B3GAT3: variants seen among roughly 807,000 people sequenced by gnomAD.
The protein encoded by B3GAT3 is beta-1,3-glucuronyltransferase 3, also known as galactosylgalactosylxylosylprotein 3-beta-glucuronosyltransferase 3.
A neutral mutation model predicts 33.1 loss-of-function variants in B3GAT3; 19 were observed. The ratio of observed to expected loss-of-function variants is 0.57; its 90% CI spans 0.40 to 0.84. B3GAT3 has a LOEUF of 0.84. Among genes scored for constraint, B3GAT3 ranks in the 40% least tolerant of loss-of-function variants. The pLI is 0.00. For missense variants in B3GAT3, 344 were observed against 441.5 expected, an observed-to-expected ratio of 0.78 and a Z score of 1.98; for synonymous variants, 167 against 193.5, an observed-to-expected ratio of 0.86 and a Z score of 1.14.
At position 62,619,724 on chromosome 11, in the gene B3GAT3, T is replaced by TTTTTTTTTTG. The variant is rs1554969086; in HGVS notation, c.257+772_257+773insCAAAAAAAAA. 3.8e-4 allele frequency among the ~76,000 whole-genome samples: 52 copies of TTTTTTTTTTG among 137,206 alleles called. 2 individuals are homozygous for TTTTTTTTTTG. The highest frequency in any genetic ancestry group is 1.3e-3 in the African/African-American group (49 of 36,364). The allele number at this position is 137,206 out of a possible 152,430, so 90.0% of individuals were successfully genotyped here. On this transcript the variant is annotated intron_variant, in intron 2 of 4. Coordinates refer to ENST00000265471, the MANE Select transcript of B3GAT3 (RefSeq NM_012200.4). ...CTTTTTTTTTTTTTTTTTTTTTTTT[T>TTTTTTTTTTG]CAGAGACAAGAGTTTCACCATGTTG...
At chr11:62,618,177 CAA>C (rs150492409) in intron 2 of B3GAT3, among the ~76,000 whole-genome samples, 146 of 46,244 alleles carry the variant, frequency 3.2e-3, no homozygotes, top group African/African-American at 0.014. Context: ...AACTCTGTCT[CAA>C]AAAAAAAAAA....
In B3GAT3 at chr11:62,616,556, G is replaced by A. The variant is rs1943031430; in HGVS notation, c.859C>T (p.His287Tyr). The A allele has an allele frequency of 6.2e-7, 1 of 1,614,242 alleles. No individual in the cohort carries two copies. Among genetic ancestry groups the A allele is most frequent in the Non-Finnish European group, 8.5e-7 (1 of 1,180,054 alleles). Residue 287 changes from histidine (H) to tyrosine (Y), a missense_variant, in exon 4 of 5, where the codon CAC becomes TAC. His to Tyr is a moderately conservative substitution (Grantham distance 83, BLOSUM62 2). Coordinates refer to ENST00000265471, the MANE Select transcript of B3GAT3 (RefSeq NM_012200.4). The stretch of plus-strand genomic sequence containing the variant: ...TCCAGGTCCTTGGGATCCACAAGGT[G>A]GCTCAGAAGACTGCTCTCCAGGTGG... Reference protein sequence around the residue: ...RGHLESSLLSHLVDPKDLEPR... With the variant: ...RGHLESSLLSYLVDPKDLEPR...
intron 4 of B3GAT3, chr11:62,616,205 C>T (rs1943021277): frequency 1.8e-6 from 1 of 545,084 alleles, no homozygotes; most frequent in South Asian, 2.0e-5. Flanking sequence ...GATTGCGCTA[C>T]TGCACTCCAG....
chr11:62,615,982 G>A (rs554454930), intron 4 of B3GAT3, 183 bp from the exon 5 acceptor site: 23 of 1,462,052 alleles, frequency 1.6e-5, no homozygotes, highest in South Asian at 5.5e-5. Context: ...CGTGGCTCAC[G>A]CCTGTAACCC....
At chr11:62,619,117 C>T (rs1943092238) in intron 2 of B3GAT3, among the ~76,000 whole-genome samples, 1 of 151,804 alleles carries the variant, frequency 6.6e-6, no homozygotes, top group Non-Finnish European at 1.5e-5. Context: ...CACCACTGCA[C>T]TCCAGCCTGG....
At chr11:62,619,724 T>TTTTTTG (rs1554969086) in intron 2 of B3GAT3, among the ~76,000 whole-genome samples, 10 of 137,214 alleles carry the variant, frequency 7.3e-5, no homozygotes, top group African/African-American at 2.7e-4. Flanking sequence ...TTTTTTTTTT[T>TTTTTTG]CAGAGACAAG....
chr11:62,621,905 C>G lies in B3GAT3; in HGVS notation c.43G>C (p.Val15Leu), dbSNP rs150651989. 1.4e-4 allele frequency: 226 copies of G among 1,612,986 alleles called. No individual in the cohort carries two copies. Among genetic ancestry groups the G allele is most frequent in the Non-Finnish European group, 8.6e-5 (101 of 1,179,410 alleles). ...GCGTAGAGGAGGCCGGCGATCGACA[C>G]CAGGAAGTAGGCGAGAAACACGTTC... ...LKNVFLAYFL[V>L]SIAGLLYALV... Residue 15 changes from valine (V) to leucine (L), a missense_variant, in exon 1 of 5, where the codon GTG becomes CTG. Coordinates refer to ENST00000265471, the MANE Select transcript of B3GAT3 (RefSeq NM_012200.4).
At chr11:62,617,552 A>C in intron 2 of B3GAT3, 1 of 673,332 alleles carries the variant, frequency 1.5e-6, no homozygotes, top group Non-Finnish European at 2.6e-6. Context: ...ACCCACCTCA[A>C]CTCCAGAGCT....
chr11:62,620,081 T>C (rs1165553493), intron 2 of B3GAT3, among the ~76,000 whole-genome samples: 1 of 152,130 alleles, frequency 6.6e-6, no homozygotes, highest in Non-Finnish European at 1.5e-5. Context: ...TGGAGTGCAA[T>C]AGCGCACTCT....
intron 2 of B3GAT3, chr11:62,617,600 G>A (rs987341200): frequency 4.3e-5 from 25 of 577,888 alleles, no homozygotes; most frequent in African/African-American, 1.5e-4. Flanking sequence ...GCACAGGGCC[G>A]GGCATGGTGG....
rs748537810 is a variant in B3GAT3 at position 62,615,801 on chromosome 11, T to G, written c.910-2A>C. 1 of 1,613,592 alleles carries G rather than the reference T, an allele frequency of 6.2e-7. No individual in the cohort carries two copies. Among genetic ancestry groups the G allele is most frequent in the South Asian group, 1.1e-5 (1 of 91,034 alleles). On this transcript the variant is annotated splice_acceptor_variant, in intron 4 of 4. Transcript: ENST00000265471. LOFTEE classifies it high-confidence loss of function. ...TGTCCGAGTATGCCACACCAGTACCTGTGCCAGGAGGGATGCAGTGAGAGC... is the reference window on the plus strand; with the variant it reads ...TGTCCGAGTATGCCACACCAGTACCGGTGCCAGGAGGGATGCAGTGAGAGC...
chr11:62,618,204 A>C (rs1439832539), intron 2 of B3GAT3, among the ~76,000 whole-genome samples: 1 of 150,422 alleles, frequency 6.6e-6, no homozygotes, highest in Non-Finnish European at 1.5e-5. Flanking sequence ...AAAAAAAAAA[A>C]CAAATTAAGG....
chr11:62,616,278 C>T (rs1210019581), intron 4 of B3GAT3: 2 of 648,026 alleles, frequency 3.1e-6, no homozygotes, highest in East Asian at 2.8e-5. Context: ...GGGCCTTATT[C>T]CTTCATCCTC....
At position 62,619,990 on chromosome 11, in the gene B3GAT3, C is replaced by T. The variant is rs185600376; in HGVS notation, c.257+507G>A. Among the ~76,000 whole-genome samples, 1,214 of 152,186 alleles carry T rather than the reference C, an allele frequency of 8.0e-3. 8 individuals are homozygous for T. The highest frequency in any genetic ancestry group is 0.014 in the Non-Finnish European group (929 of 68,002). ...TTGGTAGAAATTTTGTATTTTCCTT[C>T]TAGAAAAAGAACTATTTTTTTTCTT... On this transcript the variant is annotated intron_variant, in intron 2 of 4. Transcript: ENST00000265471.
chr11:62,619,750 C>T (rs4264155), intron 2 of B3GAT3, among the ~76,000 whole-genome samples: 92,037 of 135,752 alleles, frequency 0.68, 31,795 homozygotes, highest in East Asian at 0.92. Flanking sequence ...CACCATGTTG[C>T]CCAGGCTGGT....
At chr11:62,616,037 A>G (rs1943016625) in intron 4 of B3GAT3, 1 of 1,255,734 alleles carries the variant, frequency 8.0e-7, no homozygotes, top group Non-Finnish European at 1.1e-6. Flanking sequence ...AGGTCAGGAG[A>G]TTGAGACCAT....
At chr11:62,621,517 CAAGTT>C (rs1039511844) in intron 1 of B3GAT3, among the ~76,000 whole-genome samples, 12 of 152,150 alleles carry the variant, frequency 7.9e-5, no homozygotes, top group African/African-American at 2.7e-4. Flanking sequence ...GCAGAGGGAA[CAAGTT>C]AAGTGCTTGA....
In B3GAT3 at chr11:62,616,243, G is replaced by C. The variant is rs12794886; in HGVS notation, c.909+263C>G. The C allele has an allele frequency of 0.54, 265,240 of 489,342 alleles. 48,039 individuals carry two copies. Among genetic ancestry groups the C allele is most frequent in the Admixed American group, 0.61 (18,212 of 29,614 alleles). The allele number at this position is 489,342 out of a possible 1,614,324, so 30.3% of individuals were successfully genotyped here. On this transcript the variant is annotated intron_variant, in intron 4 of 4. Transcript: ENST00000265471. Reference sequence around the variant, plus strand: ...TGGGTGACACAGCGAGACTCTGTCTGAAAAAAAAAAAAAAACAACAAACAG... The same window carrying C: ...TGGGTGACACAGCGAGACTCTGTCTCAAAAAAAAAAAAAAACAACAAACAG...
intron 2 of B3GAT3, among the ~76,000 whole-genome samples, chr11:62,618,195 A>C (rs1179982314): frequency 4.0e-5 from 6 of 151,270 alleles, no homozygotes; most frequent in South Asian, 2.1e-4. Flanking sequence ...AAAAAAAAAA[A>C]AAAAAAAAAC....
Sources: gnomAD v4.1 joint callset for allele counts (sites outside exome capture counted in the v4.1 genomes callset) on GRCh38, gnomAD v4.1.1 for gene constraint, MANE v1.5 for transcripts, NCBI Gene and HGNC (gene_info 2026-07-23, HGNC 2026-07-21) for gene names.